Variants in FHIT observed in about 807,000 individuals in gnomAD.
The protein encoded by FHIT is bis(5'-adenosyl)-triphosphatase.
In FHIT, 19 loss-of-function variants were observed where a neutral mutation model predicts 17.9. The ratio of observed to expected loss-of-function variants is 1.06; its 90% CI spans 0.74 to 1.56. The LOEUF is 1.56. Among genes scored for constraint, FHIT ranks in the 40% most tolerant of loss-of-function variants. The pLI, the probability that FHIT is intolerant of heterozygous loss-of-function variation, is 0.00. For missense variants in FHIT, 248 were observed against 189.2 expected, an observed-to-expected ratio of 1.31 and a Z score of -1.82; for synonymous variants, 81 against 69.7, an observed-to-expected ratio of 1.16 and a Z score of -0.81.
At chr3:59,877,894 G>C (rs1227918661) in intron 8 of FHIT, among the ~76,000 whole-genome samples, 1 of 152,188 alleles carries the variant, frequency 6.6e-6, no homozygotes, top group East Asian at 1.9e-4. Flanking sequence ...AGTCAGATGA[G>C]AAAGAAAATG....
intron 5 of FHIT, among the ~76,000 whole-genome samples, chr3:60,147,856 T>C (rs972081036): frequency 6.6e-6 from 1 of 152,146 alleles, no homozygotes; most frequent in Non-Finnish European, 1.5e-5. Flanking sequence ...TCTAGGCCTA[T>C]TTGTGCATTT....
chr3:59,774,116 G>T (rs1175333169), intron 8 of FHIT, among the ~76,000 whole-genome samples: 2 of 152,268 alleles, frequency 1.3e-5, no homozygotes, highest in East Asian at 3.9e-4. Context: ...AGCGTGAGAT[G>T]CGCTGGTTTG....
chr3:60,295,607 T>A (rs1237874848), intron 5 of FHIT, among the ~76,000 whole-genome samples: 1 of 151,982 alleles, frequency 6.6e-6, no homozygotes, highest in Non-Finnish European at 1.5e-5. Context: ...CCCAAACACC[T>A]CCCATTAGGC....
chr3:60,671,595 C>T (rs895169512), intron 4 of FHIT, among the ~76,000 whole-genome samples: 9 of 151,890 alleles, frequency 5.9e-5, no homozygotes, highest in East Asian at 5.8e-4. Context: ...AAAAAAATCC[C>T]GCTCTTGATT....
At chr3:61,027,379 A>G (rs986215797) in intron 3 of FHIT, among the ~76,000 whole-genome samples, 1 of 152,164 alleles carries the variant, frequency 6.6e-6, no homozygotes, top group Non-Finnish European at 1.5e-5. Context: ...GTGCCAGCGC[A>G]CCCGGCCCTT....
At chr3:61,117,389 A>C (rs1159109688) in intron 2 of FHIT, among the ~76,000 whole-genome samples, 1 of 152,132 alleles carries the variant, frequency 6.6e-6, no homozygotes, top group Non-Finnish European at 1.5e-5. Flanking sequence ...AACTAAAATC[A>C]CCTTACTTTT....
intron 4 of FHIT, among the ~76,000 whole-genome samples, chr3:60,608,176 T>C (rs920042473): frequency 1.3e-5 from 2 of 152,192 alleles, no homozygotes; most frequent in African/African-American, 4.8e-5. Context: ...CCTCTTTCTT[T>C]CCCTATCTAA....
rs565543228 is a variant in FHIT at position 60,769,139 on chromosome 3, ATG to A, written c.-18+52778_-18+52779del. Among the ~76,000 whole-genome samples the A allele has an allele frequency of 4.7e-3, 711 of 152,292 alleles. 4 individuals carry two copies. Among genetic ancestry groups the A allele is most frequent in the African/African-American group, 0.016 (673 of 41,572 alleles). On this transcript the variant is annotated intron_variant, in intron 4 of 9. Transcript: ENST00000492590. ...AAGTAAAGCAATTTAGTTGGTGCTC[ATG>A]GGATTCCATAGTCTCACCTAGTACC...
At chr3:60,521,396 C>T (rs1030626778) in intron 5 of FHIT, among the ~76,000 whole-genome samples, 15 of 152,066 alleles carry the variant, frequency 9.9e-5, no homozygotes, top group South Asian at 4.2e-4. Flanking sequence ...TACAGGCGCC[C>T]GCCACCACAC....
intron 3 of FHIT, among the ~76,000 whole-genome samples, chr3:60,886,081 C>T (rs1438902773): frequency 6.6e-6 from 1 of 152,100 alleles, no homozygotes; most frequent in African/African-American, 2.4e-5. Context: ...ATAAATAAAA[C>T]ACATCTTTGC....
chr3:60,188,415 T>C (rs1263718818), intron 5 of FHIT, among the ~76,000 whole-genome samples: 2 of 152,094 alleles, frequency 1.3e-5, no homozygotes, highest in African/African-American at 4.8e-5. Context: ...GTTGAAAAAG[T>C]GACTGTATTT....
At chr3:60,456,854 C>T (rs559540339) in intron 5 of FHIT, among the ~76,000 whole-genome samples, 3 of 152,132 alleles carry the variant, frequency 2.0e-5, no homozygotes, top group African/African-American at 7.2e-5. Context: ...AATAAAATAC[C>T]TAGGAATCCA....
At chr3:60,033,863 A>G (rs534660307) in intron 5 of FHIT, among the ~76,000 whole-genome samples, 8 of 152,358 alleles carry the variant, frequency 5.3e-5, no homozygotes, top group Non-Finnish European at 7.3e-5. Context: ...AAGTATTAGC[A>G]TCATCAACAT....
At chr3:59,903,592 C>G (rs1185848573) in intron 8 of FHIT, among the ~76,000 whole-genome samples, 1 of 152,090 alleles carries the variant, frequency 6.6e-6, no homozygotes, top group Admixed American at 6.6e-5. Flanking sequence ...CCCTGTTATT[C>G]TGAGAATTAA....
At chr3:61,046,179 C>CA (rs776602175) in intron 2 of FHIT, among the ~76,000 whole-genome samples, 8 of 151,948 alleles carry the variant, frequency 5.3e-5, no homozygotes, top group Admixed American at 1.3e-4. Flanking sequence ...AAAAACCCTT[C>CA]AAAAAATCAA....
chr3:60,411,254 T>C (rs957427501), intron 5 of FHIT, among the ~76,000 whole-genome samples: 25 of 152,262 alleles, frequency 1.6e-4, no homozygotes, highest in African/African-American at 6.0e-4. Context: ...GTCTGTTCAA[T>C]AAGACATTTT....
At chr3:60,979,538 T>C (rs2107549519) in intron 3 of FHIT, among the ~76,000 whole-genome samples, 1 of 152,300 alleles carries the variant, frequency 6.6e-6, no homozygotes, top group Non-Finnish European at 1.5e-5. Flanking sequence ...TCCTACCTCC[T>C]CTGGCAGTTC....
intron 4 of FHIT, among the ~76,000 whole-genome samples, chr3:60,682,540 A>C (rs532088354): frequency 9.8e-5 from 15 of 152,316 alleles, no homozygotes; most frequent in African/African-American, 3.6e-4. Context: ...ATGACAGTAC[A>C]TCTGTTTATA....
At chr3:61,117,529 T>C (rs572433409) in intron 2 of FHIT, among the ~76,000 whole-genome samples, 1 of 152,298 alleles carries the variant, frequency 6.6e-6, no homozygotes, top group Admixed American at 6.5e-5. Context: ...AGAGAGGCTA[T>C]AAAAGGACAA....
Sources: allele counts gnomAD v4.1 joint callset (sites outside exome capture counted in the v4.1 genomes callset), GRCh38; gene constraint gnomAD v4.1.1; transcripts MANE v1.5; gene names NCBI Gene and HGNC (gene_info 2026-07-23, HGNC 2026-07-21).